ECE2: variants seen among roughly 807,000 people sequenced by gnomAD.
The protein encoded by ECE2 is endothelin-converting enzyme 2.
Under a neutral mutation model 100.6 loss-of-function variants are expected in ECE2, and 81 were observed. The observed-to-expected ratio is 0.81, with a 90% CI of 0.67 to 0.97. The LOEUF (loss-of-function observed/expected upper bound fraction) is 0.97. ECE2 is among the 50% of genes least tolerant of loss of function. ECE2 has a pLI of 0.00. For missense variants in ECE2, 911 were observed against 988.1 expected (o/e 0.92, Z 1.05); for synonymous variants, 391 against 391.5 (o/e 1.00, Z 0.02).
chr3:184,289,363 G>T lies in ECE2; in HGVS notation c.1375-74G>T. 2.2e-6 allele frequency: 3 copies of T among 1,378,960 alleles called. No homozygotes were observed. Among genetic ancestry groups the T allele is most frequent in the Non-Finnish European group, 3.0e-6 (3 of 991,454 alleles). The allele number at this position is 1,378,960 out of a possible 1,614,324, so 85.4% of individuals were successfully genotyped here. The stretch of plus-strand genomic sequence containing the variant: ...TTTCCCCTGGGTGGACAGGGATGGG[G>T]CACCAAGGGTGGATGGGTGGGGCAG... On this transcript the variant is annotated intron_variant, in intron 11 of 18. Coordinates refer to ENST00000404464, the MANE Select transcript of ECE2 (RefSeq NM_001100121.2). The surrounding 1 kb of genome is among the most constrained non-coding windows in gnomAD (Gnocchi z 4.1).
intron 9 of ECE2, 99 bp from the exon 10 acceptor site, chr3:184,285,379 T>C: frequency 9.8e-7 from 1 of 1,018,560 alleles, no homozygotes; most frequent in Non-Finnish European, 1.5e-6. Flanking sequence ...CACATATGCC[T>C]CTCGGGACTC....
intron 11 of ECE2, among the ~76,000 whole-genome samples, chr3:184,288,377 A>T (rs1333072095): frequency 1.3e-5 from 2 of 151,968 alleles, no homozygotes; most frequent in African/African-American, 4.8e-5. Flanking sequence ...GAACAAATGA[A>T]GTAGTGCTGC....
At position 184,289,756 on chromosome 3, in the gene ECE2, T is replaced by C. The variant is rs931879567; in HGVS notation, c.1551+38T>C. 5 of 1,545,412 alleles carry C rather than the reference T, an allele frequency of 3.2e-6. No homozygotes were observed. Among genetic ancestry groups the C allele is most frequent in the Admixed American group, 1.9e-5 (1 of 53,170 alleles). On this transcript the variant is annotated intron_variant, in intron 13 of 18. Coordinates refer to ENST00000404464, the MANE Select transcript of ECE2 (RefSeq NM_001100121.2). This position sits in a 1 kb window ranked among gnomAD's most constrained non-coding sequence, Gnocchi z 4.1. Reference sequence around the variant, plus strand: ...GCTCATCAGTACTGAACTTCAGCCCTGTAGAGGGCACTGTTCCCTGGGCTT... The same window carrying C: ...GCTCATCAGTACTGAACTTCAGCCCCGTAGAGGGCACTGTTCCCTGGGCTT...
At chr3:184,285,168 T>C in intron 9 of ECE2, 63 bp downstream of exon 9, 1 of 1,571,804 alleles carries the variant, frequency 6.4e-7, no homozygotes, top group Non-Finnish European at 8.6e-7. Context: ...CTGGGCATAA[T>C]GGACAGGCCC....
At position 184,276,170 on chromosome 3, in the gene ECE2, A is replaced by G. The variant is rs1289065074; in HGVS notation, c.17A>G (p.Gln6Arg). The G allele has an allele frequency of 1.4e-6, 2 of 1,439,226 alleles. No individual in the cohort carries two copies. The highest frequency in any genetic ancestry group is 1.8e-6 in the Non-Finnish European group (2 of 1,102,188). The allele number at this position is 1,439,226 out of a possible 1,614,324, so 89.2% of individuals were successfully genotyped here. The change falls in exon 1 of 19, where the codon CAG (glutamine) becomes CGG (arginine). Residue 6 changes from glutamine to arginine, a missense_variant. By Grantham distance (43) the Gln-to-Arg change is conservative. Coordinates refer to ENST00000404464, the MANE Select transcript of ECE2 (RefSeq NM_001100121.2). ...GACTCCACCATGAACGTCGCGCTGC[A>G]GGAGCTGGGAGCTGGCAGCAACGTG... MNVAL[Q>R]ELGAGSNMVE... is the part of the protein sequence containing the mutation.
intron 7 of ECE2, among the ~76,000 whole-genome samples, chr3:184,281,902 CA>C (rs1266263946): frequency 1.3e-5 from 2 of 152,192 alleles, no homozygotes; most frequent in Non-Finnish European, 2.9e-5. Flanking sequence ...AGTTCGAGAC[CA>C]GCTTGGCCAA....
chr3:184,283,435 G>T (rs111514499), intron 7 of ECE2, among the ~76,000 whole-genome samples: 1 of 151,062 alleles, frequency 6.6e-6, no homozygotes, highest in Admixed American at 6.6e-5. Context: ...GGTGGCACAC[G>T]CCTGTAGTCC....
chr3:184,277,208 A>T (rs751462140), intron 3 of ECE2, 43 bp from the exon 4 acceptor site: 8 of 1,612,176 alleles, frequency 5.0e-6, no homozygotes, highest in Non-Finnish European at 6.8e-6. Flanking sequence ...CCAGACAGAC[A>T]GACTGACAGT....
In ECE2 at chr3:184,291,149, G is replaced by A. The variant is rs188125575; in HGVS notation, c.1944G>A (p.Gln648=). The A allele has an allele frequency of 9.3e-6, 15 of 1,613,894 alleles. No individual in the cohort carries two copies. In the Admixed American group the frequency reaches 2.5e-4, roughly 27 times the overall value. Residue 648 remains glutamine, a synonymous_variant, in exon 17 of 19, where the codon CAG becomes CAA. Coordinates refer to ENST00000404464, the MANE Select transcript of ECE2 (RefSeq NM_001100121.2). The surrounding 1 kb of genome is among the most constrained non-coding windows in gnomAD (Gnocchi z 4.1). ...TGGAGGAACAGTACAATCAATACCA[G>A]GTCAATGGGGAGAGGCTCAACGGCC... ...ACMEEQYNQY[Q]VNGERLNGRQ... is the part of the protein sequence containing the mutation.
chr3:184,284,065 C>A, intron 8 of ECE2, 92 bp downstream of exon 8: 1 of 1,447,122 alleles, frequency 6.9e-7, no homozygotes, highest in Non-Finnish European at 9.5e-7. Flanking sequence ...CCAAGGCAGC[C>A]AGTCCTTTCC....
intron 3 of ECE2, 28 bp downstream of exon 3, chr3:184,277,055 A>G: frequency 1.2e-6 from 2 of 1,613,442 alleles, no homozygotes; most frequent in Non-Finnish European, 1.7e-6. Flanking sequence ...CTTCGTCAGT[A>G]TTCATAACTA....
Position 184,292,133 on chromosome 3 carries a change from C to T in ECE2, c.2193C>T (p.Arg731=). ...GLVTDPHSPA[R]FRVLGTLSNS... is the part of the protein sequence containing the mutation. ...TGACCGACCCCCACAGCCCTGCCCGCTTCCGCGTGCTGGGCACTCTCTCCA... is the reference window on the plus strand; with the variant it reads ...TGACCGACCCCCACAGCCCTGCCCGTTTCCGCGTGCTGGGCACTCTCTCCA... Residue 731 remains arginine (R), a synonymous_variant, in exon 19 of 19, where the codon CGC becomes CGT. Coordinates refer to ENST00000404464, the MANE Select transcript of ECE2 (RefSeq NM_001100121.2). 6 of 1,614,066 alleles carry T rather than the reference C, an allele frequency of 3.7e-6. No individual in the cohort carries two copies. The highest frequency in any genetic ancestry group is 5.1e-6 in the Non-Finnish European group (6 of 1,180,026).
rs2108432162 is a variant in ECE2, at chr3:184,289,521, G to A, written c.1459G>A (p.Ala487Thr). 5 of 1,613,168 alleles carry A rather than the reference G, an allele frequency of 3.1e-6. No homozygotes were observed. Among genetic ancestry groups the A allele is most frequent in the Non-Finnish European group, 4.2e-6 (5 of 1,179,600 alleles). The change falls in exon 12 of 19, where the codon GCA becomes ACA. Residue 487 changes from alanine (A) to threonine (T), a missense_variant. Physicochemically the swap from Ala to Thr is moderately conservative, Grantham distance 58. Coordinates refer to ENST00000404464, the MANE Select transcript of ECE2 (RefSeq NM_001100121.2). This position sits in a 1 kb window ranked among gnomAD's most constrained non-coding sequence, Gnocchi z 4.1. Reference protein sequence around the residue: ...LVWMDEKTRQAAKEKADAIYD... With the variant: ...LVWMDEKTRQTAKEKADAIYD... ...TTGGATGGATGAGAAGACCCGCCAG[G>A]CAGCCAAGGAGAAAGTGAGCGGTGG...
rs765167371 is a variant in ECE2 at position 184,278,606 on chromosome 3, C to G, written c.816+49C>G. On this transcript the variant is annotated intron_variant, in intron 7 of 18. Coordinates refer to ENST00000404464, the MANE Select transcript of ECE2 (RefSeq NM_001100121.2). ...CATCCCTACCCCTGGCTGAGCTGGG[C>G]TGATCCCTGTTGACTTTTCCCTTTG... 7 of 1,596,812 alleles carry G rather than the reference C, an allele frequency of 4.4e-6. No homozygotes were observed. In the South Asian group the frequency reaches 7.7e-5, roughly 18 times the overall value.
intron 10 of ECE2, among the ~76,000 whole-genome samples, chr3:184,286,623 T>TA (rs1359606610): frequency 2.0e-5 from 3 of 151,242 alleles, no homozygotes; most frequent in African/African-American, 7.3e-5. Flanking sequence ...GCCAACACGG[T>TA]AAAACCCCAT....
chr3:184,285,741 C>A, intron 10 of ECE2, 149 bp downstream of exon 10: 1 of 632,140 alleles, frequency 1.6e-6, no homozygotes, highest in Non-Finnish European at 2.8e-6. Context: ...GTTTCAATCC[C>A]AACTCATTCA....
chr3:184,277,865 A>G (rs888627391), intron 4 of ECE2, 60 bp from the exon 5 acceptor site: 2 of 1,591,542 alleles, frequency 1.3e-6, no homozygotes, highest in African/African-American at 2.7e-5. Context: ...AGCAAGGGCC[A>G]GGGACTCCCC....
Position 184,289,838 on chromosome 3 carries a change from G to A in ECE2, c.1551+120G>A. On this transcript the variant is annotated intron_variant, in intron 13 of 18. Coordinates refer to ENST00000404464, the MANE Select transcript of ECE2 (RefSeq NM_001100121.2). This position sits in a 1 kb window ranked among gnomAD's most constrained non-coding sequence, Gnocchi z 4.1. ...TGCTTGTCGGTTTCTTTTAGAGGCA[G>A]ATGGAGGTAACCAGCATTGTTAAAA... 2.3e-6 allele frequency: 2 copies of A among 852,484 alleles called. No individual in the cohort carries two copies. The highest frequency in any genetic ancestry group is 3.6e-6 in the Non-Finnish European group (2 of 561,310). The allele number at this position is 852,484 out of a possible 1,614,324, so 52.8% of individuals were successfully genotyped here. A position where few individuals can be genotyped will look rare whatever the true frequency, so the allele number is the denominator to read the frequency against.
intron 4 of ECE2, 105 bp downstream of exon 4, chr3:184,277,571 T>G: frequency 1.6e-6 from 2 of 1,267,276 alleles, no homozygotes; most frequent in Non-Finnish European, 2.2e-6. Context: ...AGGAAGTGGA[T>G]GGTTCTGTGA....
Sources: gnomAD v4.1 joint callset for allele counts (sites outside exome capture counted in the v4.1 genomes callset) on GRCh38, gnomAD v4.1.1 for gene constraint, Gnocchi (gnomAD v3.1) non-coding constraint, MANE v1.5 for transcripts, NCBI Gene and HGNC (gene_info 2026-07-23, HGNC 2026-07-21) for gene names.